The following NLK variants were observed in gnomAD, a reference collection of about 807,000 sequenced individuals.
NLK encodes serine/threonine-protein kinase NLK.
NLK carries 11 observed loss-of-function variants against 59.0 expected under a neutral mutation model. The observed-to-expected ratio is 0.19, with a 90% CI of 0.12 to 0.31. The LOEUF is 0.31. Ranked by LOEUF, NLK falls within the 10% of genes least tolerant of loss-of-function variation. The probability of loss-of-function intolerance (pLI) is 1.00; values close to 1 mark genes in which losing one functional copy is unlikely to be tolerated. For missense variants in NLK, 410 were observed against 661.1 expected (o/e 0.62, Z 4.16); for synonymous variants, 235 against 235.9 (o/e 1.00, Z 0.03).
intron 1 of NLK, among the ~76,000 whole-genome samples, chr17:28,101,361 G>A (rs1246017707): frequency 6.6e-6 from 1 of 152,154 alleles, no homozygotes; most frequent in Non-Finnish European, 1.5e-5. Flanking sequence ...ATTTTGGGAG[G>A]TTTGCCATTT....
At chr17:28,077,690 C>T (rs1412530031) in intron 1 of NLK, among the ~76,000 whole-genome samples, 1 of 152,016 alleles carries the variant, frequency 6.6e-6, no homozygotes, top group African/African-American at 2.4e-5. Context: ...GCCGAGAATG[C>T]CATTATATTA....
chr17:28,139,354 T>A (rs930394457), intron 3 of NLK, among the ~76,000 whole-genome samples: 1 of 152,220 alleles, frequency 6.6e-6, no homozygotes, highest in Non-Finnish European at 1.5e-5. Context: ...GAAAATTCAT[T>A]TGATGATTTA....
downstream of NLK, among the ~76,000 whole-genome samples, chr17:28,199,864 CACA>C (rs1909585638): frequency 6.6e-6 from 1 of 151,998 alleles, no homozygotes; most frequent in Admixed American, 6.6e-5. Context: ...ACAAAGAAAT[CACA>C]ACATGATTTC....
At chr17:28,135,122 T>C (rs560587856) in intron 3 of NLK, among the ~76,000 whole-genome samples, 2 of 152,336 alleles carry the variant, frequency 1.3e-5, no homozygotes, top group East Asian at 3.9e-4. Context: ...TATCAGTGTG[T>C]AGTACTGTTT....
At chr17:28,132,778 C>A in intron 3 of NLK, 103 bp downstream of exon 3, 2 of 985,472 alleles carry the variant, frequency 2.0e-6, no homozygotes, top group Non-Finnish European at 3.1e-6. Flanking sequence ...TAAATCTCAT[C>A]CTTGCAGAAG....
intron 1 of NLK, among the ~76,000 whole-genome samples, chr17:28,075,391 ACC>A (rs1567706981): frequency 6.6e-6 from 1 of 152,084 alleles, no homozygotes; most frequent in Non-Finnish European, 1.5e-5. Flanking sequence ...ACCTTTCTCT[ACC>A]CCTGTGATTT....
intron 2 of NLK, among the ~76,000 whole-genome samples, chr17:28,123,366 T>C (rs1481135026): frequency 6.6e-6 from 1 of 152,182 alleles, no homozygotes; most frequent in Non-Finnish European, 1.5e-5. Context: ...AAGGTTTTTA[T>C]TGAGGGGCTT....
chr17:28,139,456 C>A (rs1906893989), intron 3 of NLK, among the ~76,000 whole-genome samples: 1 of 152,126 alleles, frequency 6.6e-6, no homozygotes. Flanking sequence ...AAAGGAAAAA[C>A]CAAAGAAAGG....
At chr17:28,056,679 T>G (rs1909455325) in intron 1 of NLK, among the ~76,000 whole-genome samples, 1 of 152,228 alleles carries the variant, frequency 6.6e-6, no homozygotes, top group African/African-American at 2.4e-5. Context: ...TCTTTTCATG[T>G]TATATGTAAC....
chr17:28,101,291 G>C (rs773320320), intron 1 of NLK, among the ~76,000 whole-genome samples: 7 of 152,090 alleles, frequency 4.6e-5, no homozygotes, highest in Non-Finnish European at 8.8e-5. Context: ...TTAATCAGCT[G>C]TTGCTTTCTT....
chr17:28,098,062 A>C (rs12940321), intron 1 of NLK, among the ~76,000 whole-genome samples: 1 of 152,218 alleles, frequency 6.6e-6, no homozygotes, highest in African/African-American at 2.4e-5. Flanking sequence ...ACAAATAACC[A>C]GATCCAGCAC....
intron 1 of NLK, among the ~76,000 whole-genome samples, chr17:28,054,559 TTATAA>T: frequency 6.6e-6 from 1 of 152,354 alleles, no homozygotes; most frequent in East Asian, 1.9e-4. Context: ...TTCTCAGATG[TTATAA>T]TATTCACTTA....
At chr17:28,196,404 A>C (rs539861547), downstream of NLK, 6 of 152,708 alleles carry the variant, frequency 3.9e-5, no homozygotes, top group African/African-American at 1.4e-4. Context: ...GTTTTATTTC[A>C]GTTTCTTTCC....
At chr17:28,133,201 A>C (rs1482779341) in intron 3 of NLK, among the ~76,000 whole-genome samples, 1 of 152,210 alleles carries the variant, frequency 6.6e-6, no homozygotes, top group African/African-American at 2.4e-5. Flanking sequence ...GCACAATTCT[A>C]AGCTCTTTAC....
intron 1 of NLK, among the ~76,000 whole-genome samples, chr17:28,082,356 A>G (rs768913842): frequency 6.6e-6 from 1 of 151,894 alleles, no homozygotes; most frequent in Non-Finnish European, 1.5e-5. Flanking sequence ...AAAAGGGGGG[A>G]AAAGGGAGGG....
chr17:28,131,536 C>T (rs761969294), intron 2 of NLK, among the ~76,000 whole-genome samples: 3 of 132,256 alleles, frequency 2.3e-5, no homozygotes, highest in Non-Finnish European at 4.6e-5. Context: ...ATTACATGGG[C>T]ATTCTCTATA....
At chr17:28,183,193 G>A (rs953349439) in intron 7 of NLK, among the ~76,000 whole-genome samples, 1 of 152,178 alleles carries the variant, frequency 6.6e-6, no homozygotes, top group South Asian at 2.1e-4. Flanking sequence ...AAAAGAAGAA[G>A]CAGCAGCACT....
At chr17:28,199,784 T>C (rs914861221), downstream of NLK, among the ~76,000 whole-genome samples, 1 of 150,926 alleles carries the variant, frequency 6.6e-6, no homozygotes, top group Non-Finnish European at 1.5e-5. Context: ...GTTCAATATC[T>C]CTGTGCTGGC....
At chr17:28,171,859 A>G (rs959052607) in intron 6 of NLK, among the ~76,000 whole-genome samples, 2 of 152,186 alleles carry the variant, frequency 1.3e-5, no homozygotes, top group East Asian at 1.9e-4. Context: ...CCAAATTGCT[A>G]TAGCCTTAGA....
Sources: allele counts gnomAD v4.1 joint callset (sites outside exome capture counted in the v4.1 genomes callset), GRCh38; gene constraint gnomAD v4.1.1; transcripts MANE v1.5; gene names NCBI Gene and HGNC (gene_info 2026-07-23, HGNC 2026-07-21).